The following USH2A variants were observed in gnomAD, a reference collection of about 807,000 sequenced individuals.
USH2A encodes usherin, also known as Usher syndrome 2A (autosomal recessive, mild).
USH2A carries 443 observed loss-of-function variants against 538.9 expected under a neutral mutation model. That is an observed-to-expected ratio of 0.82 (90% confidence interval 0.76 to 0.89). The LOEUF is 0.89. Among genes scored for constraint, USH2A ranks in the 40% least tolerant of loss-of-function variants. The pLI, the probability that USH2A is intolerant of heterozygous loss-of-function variation, is 0.00. For synonymous variants in USH2A, 2,413 were observed against 2,273.5 expected (o/e 1.06, Z -1.75); for missense variants, 6,633 against 6,324.8 (o/e 1.05, Z -1.65).
chr1:215,650,749 C>G lies in USH2A; in HGVS notation c.14186G>C (p.Arg4729Thr). ...GKAPSSWTWC[R>T]TGPAPPEGLR... is the part of the protein sequence containing the mutation. ...ACCTTCTGGTGGGGCTGGCCCGGTT[C>G]TGCACCATGTCCAGCTACTGGGGGC... The change falls in exon 65 of 72, where the codon AGA becomes ACA. Residue 4729 changes from arginine (R) to threonine (T), a missense_variant. By Grantham distance (71) the Arg-to-Thr change is moderately conservative. Coordinates refer to ENST00000307340, the MANE Select transcript of USH2A (RefSeq NM_206933.4). 1.2e-6 allele frequency: 2 copies of G among 1,613,490 alleles called. No homozygotes were observed. The highest frequency in any genetic ancestry group is 1.7e-6 in the Non-Finnish European group (2 of 1,179,954).
At chr1:216,148,063 C>A (rs527751309) in intron 21 of USH2A, among the ~76,000 whole-genome samples, 1 of 150,994 alleles carries the variant, frequency 6.6e-6, no homozygotes, top group Non-Finnish European at 1.5e-5. Flanking sequence ...CCATCACGGA[C>A]GCCGAGCTTC....
chr1:215,890,308 G>A (rs1665175878), intron 40 of USH2A, among the ~76,000 whole-genome samples: 1 of 152,194 alleles, frequency 6.6e-6, no homozygotes, highest in Non-Finnish European at 1.5e-5. Context: ...GATCTTGTGA[G>A]TGTGTGTATG....
intron 14 of USH2A, among the ~76,000 whole-genome samples, chr1:216,220,349 G>A (rs954283117): frequency 6.7e-6 from 1 of 150,320 alleles, no homozygotes; most frequent in Non-Finnish European, 1.5e-5. Context: ...AGGATGTAGA[G>A]ATGAATCTTA....
intron 41 of USH2A, among the ~76,000 whole-genome samples, chr1:215,885,812 C>T (rs930731470): frequency 6.6e-5 from 10 of 152,186 alleles, no homozygotes; most frequent in Admixed American, 5.9e-4. Context: ...AAAAAAACCA[C>T]ATTGCACAAA....
chr1:215,888,332 G>T, intron 41 of USH2A, 94 bp downstream of exon 41: 1 of 1,574,480 alleles, frequency 6.4e-7, no homozygotes, highest in South Asian at 1.1e-5. Flanking sequence ...CAACAAATGC[G>T]TTTGTTTAGT....
chr1:216,063,935 G>A (rs1230606207), intron 30 of USH2A, among the ~76,000 whole-genome samples: 1 of 152,138 alleles, frequency 6.6e-6, no homozygotes, highest in African/African-American at 2.4e-5. Flanking sequence ...TGCTATACAT[G>A]CATTTACAAA....
chr1:216,060,864 T>G (rs951239149), intron 30 of USH2A, among the ~76,000 whole-genome samples: 2 of 152,226 alleles, frequency 1.3e-5, no homozygotes, highest in South Asian at 2.1e-4. Flanking sequence ...GTCCTCAGTT[T>G]GAGGGGAAAC....
intron 3 of USH2A, among the ~76,000 whole-genome samples, chr1:216,371,197 C>T (rs564144776): frequency 6.6e-6 from 1 of 152,300 alleles, no homozygotes; most frequent in South Asian, 2.1e-4. Flanking sequence ...TGAGACTGCA[C>T]CAAACAAATT....
intron 65 of USH2A, among the ~76,000 whole-genome samples, chr1:215,650,365 C>T (rs1403401922): frequency 2.0e-5 from 3 of 152,094 alleles, no homozygotes; most frequent in Non-Finnish European, 4.4e-5. Flanking sequence ...GTCTTTAATA[C>T]CACCTTTAGC....
intron 48 of USH2A, among the ~76,000 whole-genome samples, chr1:215,815,450 A>G (rs1662831041): frequency 6.6e-6 from 1 of 151,558 alleles, no homozygotes; most frequent in South Asian, 2.1e-4. Flanking sequence ...TCATTTTTAA[A>G]TTGATTTAAA....
Position 215,827,377 on chromosome 1 carries a change from G to A in USH2A, c.9372-10182C>T, listed in dbSNP as rs115653230. The stretch of plus-strand genomic sequence containing the variant: ...CAAAGGCTACTTCAGCGACCGAGCT[G>A]TTTCTATGGGAGCTACAAGAGGTAA... On this transcript the variant is annotated intron_variant, in intron 47 of 71. Coordinates refer to ENST00000307340, the MANE Select transcript of USH2A (RefSeq NM_206933.4). Among the ~76,000 whole-genome samples, 823 of 152,260 alleles carry A rather than the reference G, an allele frequency of 5.4e-3. 6 individuals carry two copies. Among genetic ancestry groups the A allele is most frequent in the African/African-American group, 0.018 (762 of 41,556 alleles).
At chr1:215,813,563 A>G (rs573058469) in intron 49 of USH2A, among the ~76,000 whole-genome samples, 173 bp downstream of exon 49, 6 of 152,176 alleles carry the variant, frequency 3.9e-5, no homozygotes, top group African/African-American at 1.4e-4. Flanking sequence ...AGCCTTGCTT[A>G]TATTTTAACA....
chr1:216,383,515 T>G (rs2038953807), intron 3 of USH2A, among the ~76,000 whole-genome samples: 1 of 152,208 alleles, frequency 6.6e-6, no homozygotes, highest in South Asian at 2.1e-4. Context: ...TACAATAAGC[T>G]GGGATAAGAA....
intron 56 of USH2A, among the ~76,000 whole-genome samples, chr1:215,764,171 C>T (rs548628797): frequency 1.3e-5 from 2 of 152,144 alleles, no homozygotes; most frequent in South Asian, 4.2e-4. Flanking sequence ...TCTCAGCCTT[C>T]ATTAGGAGAT....
In USH2A at chr1:215,700,307, T is replaced by A. The variant is rs141379424; in HGVS notation, c.12067-19931A>T. On this transcript the variant is annotated intron_variant, in intron 61 of 71. Transcript: ENST00000307340. ...TCTCTGCCAGGTTTTGGTATCAGGA[T>A]GATGCTGGCCTTATAAAATGAGTTA... 2.1e-3 allele frequency among the ~76,000 whole-genome samples: 320 copies of A among 152,336 alleles called. 4 individuals are homozygous for A. The highest frequency in any genetic ancestry group is 7.5e-3 in the African/African-American group (312 of 41,570).
chr1:215,674,411 G>GGTGAGAGTA lies in USH2A; in HGVS notation c.13491_13499dup (p.Thr4498_Thr4500dup), dbSNP rs1349222819. On this transcript the variant is annotated inframe_insertion, in exon 63 of 72. Transcript: ENST00000307340. ...CTGTGTAGCTATACTCCACACCTGG[G>GGTGAGAGTA]GTGAGAGTAAAATCACGATAGCGTG... is the stretch of plus-strand genomic sequence containing the variant. The GGTGAGAGTA allele has an allele frequency of 3.1e-6, 5 of 1,614,066 alleles. No individual in the cohort carries two copies. In the South Asian group the frequency reaches 5.5e-5, roughly 18 times the overall value.
At chr1:216,423,128 T>A (rs1454061906) in intron 1 of USH2A, 86 bp downstream of exon 1, 1 of 152,190 alleles carries the variant, frequency 6.6e-6, no homozygotes, top group Non-Finnish European at 1.5e-5. Context: ...TGTTTCTGTG[T>A]TTCCTCATAT....
At chr1:215,918,672 A>C (rs1165203927) in intron 38 of USH2A, among the ~76,000 whole-genome samples, 1 of 152,134 alleles carries the variant, frequency 6.6e-6, no homozygotes, top group East Asian at 1.9e-4. Context: ...GAATAAAACA[A>C]TAGTCATTGG....
In USH2A at chr1:216,070,174, A is replaced by C. The variant is rs779826128; in HGVS notation, c.5976T>G (p.Tyr1992Ter). 6.2e-7 allele frequency: 1 copy of C among 1,614,028 alleles called. No individual in the cohort carries two copies. Among genetic ancestry groups the C allele is most frequent in the Non-Finnish European group, 8.5e-7 (1 of 1,179,948 alleles). The change falls in exon 30 of 72, where the codon TAT becomes TAG. Residue 1992 changes from tyrosine (Y) to a stop codon, truncating the protein, a stop_gained. Transcript: ENST00000307340. LOFTEE classifies it high-confidence loss of function. ...GVIEKYILKAYSEDSTRPPRM... is the reference protein window; with the variant it reads ...GVIEKYILKA The stretch of plus-strand genomic sequence containing the variant: ...GGGGTGGACGGGTGCTGTCCTCACT[A>C]TAGGCTTTCAGAATGTACTTCTCAA...
Sources: gnomAD v4.1 joint callset for allele counts (sites outside exome capture counted in the v4.1 genomes callset) on GRCh38, gnomAD v4.1.1 for gene constraint, MANE v1.5 for transcripts, NCBI Gene and HGNC (gene_info 2026-07-23, HGNC 2026-07-21) for gene names.